DCDC1: variants seen among roughly 807,000 people sequenced by gnomAD.
The protein encoded by DCDC1 is doublecortin domain containing 1, also known as doublecortin domain-containing protein 1.
Under a neutral mutation model 178.3 loss-of-function variants are expected in DCDC1, and 200 were observed. The observed-to-expected ratio is 1.12, with a 90% CI of 1.00 to 1.26. DCDC1 has a LOEUF of 1.26. Among genes scored for constraint, DCDC1 ranks in the 50% most tolerant of loss-of-function variants. The pLI is 0.00. For missense variants in DCDC1, 1,983 were observed against 1,749.2 expected, an observed-to-expected ratio of 1.13 and a Z score of -2.38; for synonymous variants, 690 against 604.8, an observed-to-expected ratio of 1.14 and a Z score of -2.07.
intron 20 of DCDC1, among the ~76,000 whole-genome samples, chr11:31,044,183 A>C (rs901056741): frequency 6.6e-6 from 1 of 152,176 alleles, no homozygotes; most frequent in African/African-American, 2.4e-5. Flanking sequence ...ACAGAGATTT[A>C]AAGTACAACA....
chr11:30,887,432 A>T (rs764255991), intron 36 of DCDC1, among the ~76,000 whole-genome samples: 2 of 152,182 alleles, frequency 1.3e-5, no homozygotes, highest in African/African-American at 2.4e-5. Context: ...TTCTTTTAAC[A>T]GATCAACGTA....
chr11:30,928,967 G>T (rs1245931049), intron 22 of DCDC1, among the ~76,000 whole-genome samples: 1 of 151,868 alleles, frequency 6.6e-6, no homozygotes, highest in Non-Finnish European at 1.5e-5. Context: ...CATAGAAAAA[G>T]ATGCTTAATT....
rs144047630 is a variant in DCDC1 at position 30,921,194 on chromosome 11, C to T, written c.3134-259G>A. Among the ~76,000 whole-genome samples the T allele has an allele frequency of 1.9e-3, 295 of 152,212 alleles. 2 individuals are homozygous for T. The highest frequency in any genetic ancestry group is 3.4e-3 in the Non-Finnish European group (230 of 68,014). ...CATATATCGTAATTATTCAAATGGG[C>T]TACATTATTTAGATATATGTTTCTA... On this transcript the variant is annotated intron_variant, in intron 24 of 38. Transcript: ENST00000684477.
At chr11:31,087,014 T>C (rs186270761) in intron 17 of DCDC1, among the ~76,000 whole-genome samples, 1,830 of 152,288 alleles carry the variant, frequency 0.012, 17 homozygotes, top group Non-Finnish European at 0.017. Flanking sequence ...TGAAGTAATC[T>C]GGGTCTGGAG....
rs5790842 is a variant in DCDC1 at position 30,878,716 on chromosome 11, T to TAA, written c.5234-7_5234-6dup. 269 of 1,389,962 alleles carry TAA rather than the reference T, an allele frequency of 1.9e-4. No homozygotes were observed. The highest frequency in any genetic ancestry group is 6.9e-4 in the Admixed American group (26 of 37,864). The allele number at this position is 1,389,962 out of a possible 1,614,324, so 86.1% of individuals were successfully genotyped here. On this transcript the variant is annotated splice_region_variant and splice_polypyrimidine_tract_variant and intron_variant, in intron 37 of 38. Transcript: ENST00000684477. ...TCTCCATCAGTTGTTTTAACTCTGT[T>TAA]AAAAAAAAAAAAAAAAGAAGTTGAG... is the stretch of plus-strand genomic sequence containing the variant.
chr11:30,872,844 C>T (rs1004250963), intron 38 of DCDC1, among the ~76,000 whole-genome samples: 4 of 151,900 alleles, frequency 2.6e-5, no homozygotes, highest in African/African-American at 9.7e-5. Flanking sequence ...CTATTTATTG[C>T]ACATAATTAT....
At chr11:31,279,890 T>A (rs1946297674) in intron 7 of DCDC1, among the ~76,000 whole-genome samples, 1 of 151,966 alleles carries the variant, frequency 6.6e-6, no homozygotes, top group African/African-American at 2.4e-5. Flanking sequence ...TATAATAAAT[T>A]AAAATAATAA....
intron 35 of DCDC1, among the ~76,000 whole-genome samples, chr11:30,893,285 G>T (rs1463715622): frequency 6.6e-6 from 1 of 152,168 alleles, no homozygotes; most frequent in Non-Finnish European, 1.5e-5. Flanking sequence ...AATGCAGAGA[G>T]AAGTATTTTT....
intron 21 of DCDC1, among the ~76,000 whole-genome samples, chr11:30,951,802 G>A (rs1480948271): frequency 2.0e-5 from 3 of 152,148 alleles, no homozygotes; most frequent in East Asian, 3.9e-4. Flanking sequence ...CATTTGGTCT[G>A]AAAGAACACA....
At chr11:30,894,167 C>G (rs554643661) in intron 35 of DCDC1, 81 bp downstream of exon 35, 1 of 1,509,262 alleles carries the variant, frequency 6.6e-7, no homozygotes, top group East Asian at 2.3e-5. Flanking sequence ...TTAACAGTAT[C>G]ATTTTAAAAT....
intron 20 of DCDC1, among the ~76,000 whole-genome samples, chr11:30,967,634 A>T (rs538233593): frequency 6.6e-6 from 1 of 152,306 alleles, no homozygotes; most frequent in African/African-American, 2.4e-5. Flanking sequence ...CTGTGTGTTT[A>T]CCCAGGAAAT....
chr11:31,325,555 T>C (rs966773796), intron 3 of DCDC1, among the ~76,000 whole-genome samples: 2 of 151,972 alleles, frequency 1.3e-5, no homozygotes, highest in Non-Finnish European at 2.9e-5. Context: ...AAATGCAGCA[T>C]GGAGTGACAG....
chr11:30,984,627 G>A (rs113021635), intron 20 of DCDC1, among the ~76,000 whole-genome samples: 1 of 152,156 alleles, frequency 6.6e-6, no homozygotes, highest in Non-Finnish European at 1.5e-5. Context: ...AAAGGTGGGC[G>A]TAACGTGACG....
intron 10 of DCDC1, among the ~76,000 whole-genome samples, chr11:31,128,568 T>C (rs982251524): frequency 1.3e-5 from 2 of 152,182 alleles, no homozygotes; most frequent in African/African-American, 4.8e-5. Context: ...ACCTCATCTG[T>C]GATTCTTCAA....
chr11:30,916,742 C>G lies in DCDC1; in HGVS notation c.3452+128G>C, dbSNP rs549240329. On this transcript the variant is annotated intron_variant, in intron 26 of 38. Coordinates refer to ENST00000684477, the MANE Select transcript of DCDC1 (RefSeq NM_001387274.1). ...AAATATTTTAATCAAAAACATAAGA[C>G]AAAAATGTGCATGTTGATAGAAACA... The G allele has an allele frequency of 1.2e-4, 134 of 1,118,628 alleles. 1 individual carries two copies. The South Asian group carries it at 3.1e-3, about 26-fold the overall frequency. The allele number at this position is 1,118,628 out of a possible 1,614,324, so 69.3% of individuals were successfully genotyped here.
At chr11:31,048,452 T>TGTCTGCTCA (rs1352071844) in intron 20 of DCDC1, among the ~76,000 whole-genome samples, 15 of 152,244 alleles carry the variant, frequency 9.9e-5, no homozygotes, top group South Asian at 2.1e-4. Context: ...CACATTGCTC[T>TGTCTGCTCA]GTCTGCTCAG....
In DCDC1 at chr11:30,894,311, T is replaced by C; in HGVS notation, c.4839A>G (p.Glu1613=). The stretch of plus-strand genomic sequence containing the variant: ...GTTGAGTCTGTTCGGTCCAGCCTCC[T>C]TCAACCACCACGGGCTGCACAGGGC... ...TKSPVQPVVV[E]GGWTEQTQQE... Residue 1613 remains glutamate (E), a synonymous_variant, in exon 35 of 39, where the codon GAA becomes GAG. Coordinates refer to ENST00000684477, the MANE Select transcript of DCDC1 (RefSeq NM_001387274.1). The C allele has an allele frequency of 6.2e-7, 1 of 1,613,918 alleles. No individual in the cohort carries two copies. The highest frequency in any genetic ancestry group is 1.7e-5 in the Admixed American group (1 of 60,022).
At position 31,094,033 on chromosome 11, in the gene DCDC1, C is replaced by G. The variant is rs1957981541; in HGVS notation, c.2118+17G>C. On this transcript the variant is annotated intron_variant, in intron 16 of 38. Transcript: ENST00000684477. ...GCAAGGGGAGGTCACTCAGCAAAAG[C>G]AGACACTCTTAGGTACCTTGGTGAT... 1 of 763,630 alleles carries G rather than the reference C, an allele frequency of 1.3e-6. No individual in the cohort carries two copies. The highest frequency in any genetic ancestry group is 2.4e-6 in the Non-Finnish European group (1 of 416,384). 47.3% of individuals were successfully genotyped at this position (763,630 alleles called of 1,614,324 possible).
At chr11:31,250,153 G>C (rs986023068) in intron 8 of DCDC1, among the ~76,000 whole-genome samples, 3 of 151,512 alleles carry the variant, frequency 2.0e-5, no homozygotes, top group African/African-American at 7.3e-5. Flanking sequence ...CAGATAAATG[G>C]GTGTATCTGT....
Sources: allele counts gnomAD v4.1 joint callset (sites outside exome capture counted in the v4.1 genomes callset), GRCh38; gene constraint gnomAD v4.1.1; transcripts MANE v1.5; gene names NCBI Gene and HGNC (gene_info 2026-07-23, HGNC 2026-07-21).